PRKAG2: variants seen among roughly 807,000 people sequenced by gnomAD.
The protein encoded by PRKAG2 is protein kinase AMP-activated non-catalytic subunit gamma 2.
PRKAG2 carries 26 observed loss-of-function variants against 69.6 expected under a neutral mutation model. The ratio of observed to expected loss-of-function variants is 0.37; its 90% CI spans 0.27 to 0.52. The LOEUF is 0.52. PRKAG2 is among the 20% of genes least tolerant of loss of function. The pLI, the probability that PRKAG2 is intolerant of heterozygous loss-of-function variation, is 0.90. For missense variants in PRKAG2, 557 were observed against 740.0 expected, an observed-to-expected ratio of 0.75 and a Z score of 2.87; for synonymous variants, 293 against 285.0, an observed-to-expected ratio of 1.03 and a Z score of -0.28.
chr7:151,797,954 C>T (rs2077644369), intron 1 of PRKAG2, among the ~76,000 whole-genome samples: 1 of 152,204 alleles, frequency 6.6e-6, no homozygotes, highest in African/African-American at 2.4e-5. Context: ...TTGCATGAAG[C>T]CTGTGTCTCA....
At chr7:151,593,984 T>C (rs1813828884) in intron 6 of PRKAG2, among the ~76,000 whole-genome samples, 1 of 152,186 alleles carries the variant, frequency 6.6e-6, no homozygotes, top group Non-Finnish European at 1.5e-5. Context: ...CGGGGAGCCC[T>C]CTGAGGACGC....
intron 1 of PRKAG2, among the ~76,000 whole-genome samples, chr7:151,873,590 C>G (rs1231872877): frequency 6.6e-6 from 1 of 152,138 alleles, no homozygotes; most frequent in Non-Finnish European, 1.5e-5. Context: ...AGAGCCTGGG[C>G]ACGTGGTCAC....
chr7:151,804,397 G>C (rs1373408787), intron 1 of PRKAG2, among the ~76,000 whole-genome samples: 1 of 152,190 alleles, frequency 6.6e-6, no homozygotes, highest in Non-Finnish European at 1.5e-5. Flanking sequence ...CGTGCAGACA[G>C]GGGGAAGGGC....
intron 3 of PRKAG2, among the ~76,000 whole-genome samples, chr7:151,776,794 G>A (rs796447257): frequency 6.6e-5 from 10 of 152,338 alleles, no homozygotes; most frequent in African/African-American, 2.4e-4. Flanking sequence ...GGTAGCTGAG[G>A]GGCTCATATA....
chr7:151,606,815 G>A (rs749094803), intron 5 of PRKAG2, among the ~76,000 whole-genome samples: 12 of 152,112 alleles, frequency 7.9e-5, no homozygotes, highest in East Asian at 5.8e-4. Context: ...GCAAGACTCC[G>A]TCTCAAAAAA....
At chr7:151,574,823 C>T in intron 8 of PRKAG2, 68 bp downstream of exon 8, 1 of 1,604,272 alleles carries the variant, frequency 6.2e-7, no homozygotes, top group Non-Finnish European at 8.5e-7. Context: ...AAAATACACA[C>T]ATATACCTAC....
intron 3 of PRKAG2, among the ~76,000 whole-genome samples, chr7:151,711,463 C>G (rs549390941): frequency 2.0e-5 from 3 of 152,218 alleles, no homozygotes; most frequent in Admixed American, 6.5e-5. Flanking sequence ...AGAGCACTAA[C>G]AGTGCTAGGC....
Position 151,675,588 on chromosome 7 carries a change from C to T in PRKAG2, c.516G>A (p.Gln172=), listed in dbSNP as rs1022959045. The T allele has an allele frequency of 1.9e-6, 3 of 1,614,046 alleles. No individual in the cohort carries two copies. Among genetic ancestry groups the T allele is most frequent in the Non-Finnish European group, 2.5e-6 (3 of 1,180,008 alleles). The change falls in exon 4 of 16, where the codon CAG becomes CAA. Residue 172 remains glutamine (Q), a synonymous_variant. Coordinates refer to ENST00000287878, the MANE Select transcript of PRKAG2 (RefSeq NM_016203.4). ...SPSTPTQVTK[Q]HTFPLESYKH... is the part of the protein sequence containing the mutation. Reference sequence around the variant, plus strand: ...TATAGGATTCCAGGGGAAACGTGTGCTGCTTGGTCACTTGGGTGGGTGTTG... The same window carrying T: ...TATAGGATTCCAGGGGAAACGTGTGTTGCTTGGTCACTTGGGTGGGTGTTG...
chr7:151,703,249 G>A (rs1838022857), intron 3 of PRKAG2, among the ~76,000 whole-genome samples: 1 of 152,232 alleles, frequency 6.6e-6, no homozygotes, highest in Non-Finnish European at 1.5e-5. Context: ...ATGGCACCCT[G>A]CAAAGGACTG....
intron 3 of PRKAG2, among the ~76,000 whole-genome samples, chr7:151,742,143 A>T (rs192501953): frequency 1.5e-3 from 229 of 152,312 alleles, no homozygotes; most frequent in African/African-American, 4.9e-3. Flanking sequence ...CCCGATTCCC[A>T]AATTCACATC....
chr7:151,576,238 G>A, intron 7 of PRKAG2, 133 bp downstream of exon 7: 1 of 949,064 alleles, frequency 1.1e-6, no homozygotes, highest in Non-Finnish European at 1.7e-6. Flanking sequence ...ACTGCACCCT[G>A]CCAGCAAGAA....
intron 4 of PRKAG2, among the ~76,000 whole-genome samples, chr7:151,655,031 T>C (rs1252520757): frequency 2.0e-5 from 3 of 152,198 alleles, no homozygotes; most frequent in Non-Finnish European, 2.9e-5. Flanking sequence ...GAAAATGAAA[T>C]ATTCCCAAAT....
At chr7:151,613,526 C>T (rs1819366506) in intron 5 of PRKAG2, among the ~76,000 whole-genome samples, 1 of 152,118 alleles carries the variant, frequency 6.6e-6, no homozygotes, top group Non-Finnish European at 1.5e-5. Flanking sequence ...GAGATGGAGT[C>T]TCGTTCTGTC....
chr7:151,774,792 T>A (rs1425754660), intron 3 of PRKAG2, among the ~76,000 whole-genome samples: 1 of 151,798 alleles, frequency 6.6e-6, no homozygotes, highest in Non-Finnish European at 1.5e-5. Context: ...GGTGACAGAG[T>A]GAGACTCCAT....
chr7:151,580,930 A>C (rs1810308643), intron 6 of PRKAG2, among the ~76,000 whole-genome samples: 1 of 152,236 alleles, frequency 6.6e-6, no homozygotes, highest in South Asian at 2.1e-4. Context: ...TTTATTGTAC[A>C]TTTAAAAATA....
Position 151,719,109 on chromosome 7 carries a change from A to C in PRKAG2, c.467-43472T>G, listed in dbSNP as rs1412632877. Among the ~76,000 whole-genome samples, 1 of 152,086 alleles carries C rather than the reference A, an allele frequency of 6.6e-6. No individual in the cohort carries two copies. Among genetic ancestry groups the C allele is most frequent in the Non-Finnish European group, 1.5e-5 (1 of 68,018 alleles). On this transcript the variant is annotated intron_variant, in intron 3 of 15. Coordinates refer to ENST00000287878, the MANE Select transcript of PRKAG2 (RefSeq NM_016203.4). This position sits in a 1 kb window ranked among gnomAD's most constrained non-coding sequence, Gnocchi z 5.2. ...GAGGGGACTGAAGGAGACGTGTGCC[A>C]CCCTGTTCCCCGAGCGTTGCTCCGG...
intron 3 of PRKAG2, among the ~76,000 whole-genome samples, chr7:151,750,690 CAACACTGTGACTACTGAGTTATATACTTT>C (rs2074608985): frequency 6.6e-6 from 1 of 152,024 alleles, no homozygotes; most frequent in African/African-American, 2.4e-5. Flanking sequence ...GATGGTCGCA[CAACACTGTGACTACTGAGTTATATACTTT>C]AACACTGTTA....
chr7:151,767,153 A>T (rs1266941926), intron 3 of PRKAG2, among the ~76,000 whole-genome samples: 1 of 152,220 alleles, frequency 6.6e-6, no homozygotes, highest in African/African-American at 2.4e-5. Context: ...TTCCAAGCCA[A>T]GGAATGGCAG....
At chr7:151,718,229 G>C (rs1367831196) in intron 3 of PRKAG2, among the ~76,000 whole-genome samples, 1 of 152,034 alleles carries the variant, frequency 6.6e-6, no homozygotes, top group Non-Finnish European at 1.5e-5. Context: ...TTCTGGTGAG[G>C]ACCCTCTTCC....
Sources: gnomAD v4.1 joint callset for allele counts (sites outside exome capture counted in the v4.1 genomes callset) on GRCh38, gnomAD v4.1.1 for gene constraint, Gnocchi (gnomAD v3.1) non-coding constraint, MANE v1.5 for transcripts, NCBI Gene and HGNC (gene_info 2026-07-23, HGNC 2026-07-21) for gene names.